TNR: variants seen among roughly 807,000 people sequenced by gnomAD.
TNR encodes the protein tenascin R.
TNR carries 45 observed loss-of-function variants against 150.4 expected under a neutral mutation model. That is an observed-to-expected ratio of 0.30 (90% CI 0.24 to 0.38). The LOEUF (loss-of-function observed/expected upper bound fraction) is 0.38, where lower values mean the gene tolerates loss of function less well. Ranked by LOEUF, TNR falls within the 10% of genes least tolerant of loss-of-function variation. The pLI, the probability that TNR is intolerant of heterozygous loss-of-function variation, is 1.00. For missense variants in TNR, 1,544 were observed against 1,759.1 expected, an observed-to-expected ratio of 0.88 and a Z score of 2.19; for synonymous variants, 687 against 678.4, an observed-to-expected ratio of 1.01 and a Z score of -0.20.
chr1:175,659,952 T>G (rs1355407408), intron 1 of TNR, among the ~76,000 whole-genome samples: 1 of 150,138 alleles, frequency 6.7e-6, no homozygotes, highest in Non-Finnish European at 1.5e-5. Flanking sequence ...CTTTCGCCAG[T>G]TTTTTTCTGG....
intron 1 of TNR, among the ~76,000 whole-genome samples, chr1:175,632,136 C>CA (rs1664346995): frequency 6.6e-6 from 1 of 152,216 alleles, no homozygotes; most frequent in Non-Finnish European, 1.5e-5. Context: ...CAAGCCCTTG[C>CA]AGAGGGGCCA....
intron 9 of TNR, among the ~76,000 whole-genome samples, chr1:175,379,326 T>A (rs859425): frequency 2.6e-5 from 4 of 152,042 alleles, no homozygotes; most frequent in African/African-American, 2.4e-5. Flanking sequence ...GCCACTGCAC[T>A]CCAGCCTGGG....
intron 2 of TNR, among the ~76,000 whole-genome samples, chr1:175,449,240 G>A (rs1656197925): frequency 6.6e-6 from 1 of 152,144 alleles, no homozygotes; most frequent in South Asian, 2.1e-4. Context: ...TTTTCCCAGG[G>A]CGCTCTGCTC....
intron 21 of TNR, among the ~76,000 whole-genome samples, chr1:175,327,105 C>T (rs1299901422): frequency 6.6e-6 from 1 of 152,022 alleles, no homozygotes; most frequent in African/African-American, 2.4e-5. Context: ...CGGTCTCCAC[C>T]CACATCCTAT....
chr1:175,545,544 G>T (rs1270040198), intron 1 of TNR, among the ~76,000 whole-genome samples: 1 of 152,186 alleles, frequency 6.6e-6, no homozygotes, highest in Non-Finnish European at 1.5e-5. Context: ...GAGGCTATAT[G>T]CCTGAAAACA....
chr1:175,695,805 A>T (rs1259627578), intron 1 of TNR, among the ~76,000 whole-genome samples: 1 of 152,146 alleles, frequency 6.6e-6, no homozygotes, highest in African/African-American at 2.4e-5. Flanking sequence ...TTATTTGTTC[A>T]TTAGGGTGAT....
chr1:175,408,580 T>C (rs988611183), intron 2 of TNR, among the ~76,000 whole-genome samples: 1 of 152,198 alleles, frequency 6.6e-6, no homozygotes, highest in African/African-American at 2.4e-5. Context: ...CTGGAGCCTA[T>C]AGAGTCTCTG....
intron 1 of TNR, among the ~76,000 whole-genome samples, chr1:175,582,387 T>C (rs1170019215): frequency 6.6e-6 from 1 of 152,228 alleles, no homozygotes; most frequent in Non-Finnish European, 1.5e-5. Flanking sequence ...GACTCAAGCA[T>C]AGAATTTACA....
chr1:175,689,671 C>T (rs984984329), intron 1 of TNR, among the ~76,000 whole-genome samples: 6 of 152,132 alleles, frequency 3.9e-5, no homozygotes, highest in African/African-American at 7.2e-5. Flanking sequence ...TTATTGGCCT[C>T]GATGCCATCC....
At chr1:175,516,563 C>A (rs1223096356) in intron 2 of TNR, among the ~76,000 whole-genome samples, 1 of 152,116 alleles carries the variant, frequency 6.6e-6, no homozygotes, top group South Asian at 2.1e-4. Context: ...TTGCTTGAAC[C>A]ATTCCCATAT....
intron 2 of TNR, among the ~76,000 whole-genome samples, chr1:175,435,837 T>A (rs552290801): frequency 1.9e-4 from 29 of 152,332 alleles, no homozygotes; most frequent in African/African-American, 7.0e-4. Context: ...GTTCTGGTGG[T>A]GACAAAATCT....
intron 6 of TNR, 68 bp from the exon 7 acceptor site, chr1:175,391,506 G>T: frequency 6.5e-7 from 1 of 1,529,404 alleles, no homozygotes; most frequent in East Asian, 2.3e-5. Flanking sequence ...ATGAGAGAAA[G>T]ATAAAGGTGT....
intron 2 of TNR, among the ~76,000 whole-genome samples, chr1:175,480,879 T>C (rs1657777877): frequency 6.6e-6 from 1 of 152,210 alleles, no homozygotes; most frequent in Admixed American, 6.5e-5. Context: ...TAGAAGCATA[T>C]CCTAGATCAC....
intron 2 of TNR, among the ~76,000 whole-genome samples, chr1:175,502,333 C>T (rs1016986422): frequency 3.9e-5 from 6 of 152,288 alleles, no homozygotes; most frequent in Admixed American, 1.3e-4. Flanking sequence ...ACATTGAACC[C>T]CCATGCAGGG....
At position 175,355,531 on chromosome 1, in the gene TNR, G is replaced by T. The variant is rs1477951079; in HGVS notation, c.3221C>A (p.Thr1074Asn). 1 of 1,613,890 alleles carries T rather than the reference G, an allele frequency of 6.2e-7. No individual in the cohort carries two copies. The highest frequency in any genetic ancestry group is 8.5e-7 in the Non-Finnish European group (1 of 1,179,926). Reference sequence around the variant, plus strand: ...GCGGCTTCCATCGGTGGATTTGTAGGTCAAGACATAATTTTCAATCTCTGC... The same window carrying T: ...GCGGCTTCCATCGGTGGATTTGTAGTTCAAGACATAATTTTCAATCTCTGC... ...PRAEIENYVL[T>N]YKSTDGSRKE... The change falls in exon 17 of 23, where the codon ACC becomes AAC. Residue 1074 changes from threonine (T) to asparagine (N), a missense_variant. This residue lies in a region of TNR where 290 missense variants were observed against 429.7 expected (regional missense o/e 0.67). Coordinates refer to ENST00000367674, the MANE Select transcript of TNR (RefSeq NM_003285.3).
chr1:175,465,068 C>A (rs1236097973), intron 2 of TNR, among the ~76,000 whole-genome samples: 1 of 152,172 alleles, frequency 6.6e-6, no homozygotes, highest in Non-Finnish European at 1.5e-5. Context: ...TATCCTCCTG[C>A]CCATAAGCCA....
intron 15 of TNR, among the ~76,000 whole-genome samples, chr1:175,356,887 A>C (rs776298526): frequency 6.6e-6 from 1 of 152,212 alleles, no homozygotes; most frequent in Non-Finnish European, 1.5e-5. Context: ...AACACGTAAC[A>C]GTTTATCAAT....
intron 2 of TNR, among the ~76,000 whole-genome samples, chr1:175,482,287 A>C (rs1657844358): frequency 6.6e-6 from 1 of 152,208 alleles, no homozygotes. Flanking sequence ...TGTCACATGG[A>C]TACAGGAAAG....
intron 1 of TNR, among the ~76,000 whole-genome samples, chr1:175,613,130 T>C (rs1480689357): frequency 1.3e-5 from 2 of 152,186 alleles, no homozygotes; most frequent in African/African-American, 4.8e-5. Flanking sequence ...AGGAGAGACT[T>C]TGCAGGGTCT....
Sources: allele counts gnomAD v4.1 joint callset (sites outside exome capture counted in the v4.1 genomes callset), GRCh38; gene constraint gnomAD v4.1.1; regional missense constraint gnomAD v4.1.1; transcripts MANE v1.5; gene names NCBI Gene and HGNC (gene_info 2026-07-23, HGNC 2026-07-21).